CRTC3: variants seen among roughly 807,000 people sequenced by gnomAD.
CRTC3 encodes the protein CREB-regulated transcription coactivator 3.
A neutral mutation model predicts 74.5 loss-of-function variants in CRTC3; 26 were observed. The ratio of observed to expected loss-of-function variants is 0.35; its 90% CI spans 0.26 to 0.48. The LOEUF (loss-of-function observed/expected upper bound fraction) is 0.48. Among genes scored for constraint, CRTC3 ranks in the 20% least tolerant of loss-of-function variants. The probability of loss-of-function intolerance (pLI) is 0.99; values close to 1 mark genes in which losing one functional copy is unlikely to be tolerated. For synonymous variants in CRTC3, 377 were observed against 325.8 expected (o/e 1.16, Z -1.69); for missense variants, 760 against 787.3 (o/e 0.97, Z 0.41).
At chr15:90,560,059 A>C (rs1011682786) in intron 2 of CRTC3, among the ~76,000 whole-genome samples, 1 of 152,078 alleles carries the variant, frequency 6.6e-6, no homozygotes. Context: ...TTAGAGATAC[A>C]TGTTGTCTTA....
intron 2 of CRTC3, among the ~76,000 whole-genome samples, chr15:90,572,836 A>G (rs1651854012): frequency 1.3e-5 from 2 of 152,194 alleles, no homozygotes; most frequent in Non-Finnish European, 2.9e-5. Context: ...TTGGCCTCCC[A>G]AAGTGCTGGG....
chr15:90,544,604 A>G (rs1416592886), intron 2 of CRTC3, among the ~76,000 whole-genome samples: 1 of 152,258 alleles, frequency 6.6e-6, no homozygotes, highest in African/African-American at 2.4e-5. Flanking sequence ...TAAATATTCT[A>G]TAAACATTCA....
chr15:90,614,322 A>T (rs531268287), intron 6 of CRTC3, 131 bp from the exon 7 acceptor site: 351 of 609,948 alleles, frequency 5.8e-4, no homozygotes, highest in Middle Eastern at 2.2e-3. Context: ...AATGAAAATC[A>T]GTGTATCAAA....
chr15:90,545,733 C>T (rs12912391), intron 2 of CRTC3, among the ~76,000 whole-genome samples: 24 of 115,452 alleles, frequency 2.1e-4, no homozygotes, highest in Non-Finnish European at 2.3e-4. Flanking sequence ...CCTGCCACCA[C>T]GCCCGGGTAA....
chr15:90,623,411 C>T (rs1968718647), intron 9 of CRTC3, among the ~76,000 whole-genome samples: 1 of 152,148 alleles, frequency 6.6e-6, no homozygotes, highest in Non-Finnish European at 1.5e-5. Flanking sequence ...AATTCGTGAT[C>T]TCATCCATAC....
At chr15:90,558,351 G>A (rs1350492652) in intron 2 of CRTC3, among the ~76,000 whole-genome samples, 1 of 151,992 alleles carries the variant, frequency 6.6e-6, no homozygotes, top group Non-Finnish European at 1.5e-5. Context: ...TAAAATATGA[G>A]CCAGATTATC....
At chr15:90,621,618 C>T (rs1344952841) in intron 9 of CRTC3, among the ~76,000 whole-genome samples, 3 of 152,048 alleles carry the variant, frequency 2.0e-5, no homozygotes, top group Admixed American at 6.6e-5. Flanking sequence ...CCACCATGCC[C>T]AGCCTGTTTT....
intron 9 of CRTC3, among the ~76,000 whole-genome samples, chr15:90,621,318 T>G (rs182552748): frequency 6.6e-6 from 1 of 151,862 alleles, no homozygotes; most frequent in Non-Finnish European, 1.5e-5. Flanking sequence ...TTAGTTAGTT[T>G]GTTTGTATTT....
chr15:90,538,583 G>A (rs949789647), intron 1 of CRTC3, among the ~76,000 whole-genome samples: 1 of 152,172 alleles, frequency 6.6e-6, no homozygotes, highest in Non-Finnish European at 1.5e-5. Flanking sequence ...GCGGGTAGTG[G>A]AGAGGGTAAA....
chr15:90,558,169 T>C (rs895925161), intron 2 of CRTC3, among the ~76,000 whole-genome samples: 12 of 152,276 alleles, frequency 7.9e-5, no homozygotes, highest in South Asian at 6.2e-4. Flanking sequence ...AGCTAAGCCT[T>C]CAGCAAATTC....
intron 9 of CRTC3, chr15:90,620,052 A>T (rs552101375): frequency 2.4e-6 from 1 of 422,492 alleles, no homozygotes. Context: ...TGGTAAATAC[A>T]CAACTCTCCG....
intron 3 of CRTC3, chr15:90,594,218 A>G (rs1967865985): frequency 2.0e-5 from 3 of 152,612 alleles, no homozygotes; most frequent in African/African-American, 7.2e-5. Flanking sequence ...GATGTTTCAA[A>G]CTCAGTAAGT....
At chr15:90,568,247 A>G (rs563605646) in intron 2 of CRTC3, among the ~76,000 whole-genome samples, 8 of 152,352 alleles carry the variant, frequency 5.3e-5, no homozygotes, top group African/African-American at 1.7e-4. Context: ...GTTTCTAGAG[A>G]TGGAATCTAC....
intron 13 of CRTC3, 21 bp from the exon 14 acceptor site, chr15:90,641,076 C>T: frequency 1.9e-6 from 3 of 1,551,108 alleles, no homozygotes; most frequent in Non-Finnish European, 2.7e-6. Context: ...GCCTTCCTCA[C>T]ATGACCTTCG....
chr15:90,621,862 A>C (rs1968663309), intron 9 of CRTC3, among the ~76,000 whole-genome samples: 1 of 152,154 alleles, frequency 6.6e-6, no homozygotes, highest in South Asian at 2.1e-4. Flanking sequence ...TTGACCCCCT[A>C]ATTCTTGGCA....
intron 2 of CRTC3, among the ~76,000 whole-genome samples, chr15:90,558,071 T>C (rs1274573709): frequency 6.6e-6 from 1 of 152,144 alleles, no homozygotes. Context: ...TGGACACTTT[T>C]CTCTGTAAAT....
intron 11 of CRTC3, chr15:90,634,916 C>T (rs905043960): frequency 5.1e-6 from 8 of 1,575,384 alleles, no homozygotes; most frequent in African/African-American, 4.0e-5. Context: ...AACCAGTTAG[C>T]GTGAAAGTTG....
chr15:90,557,459 A>G (rs1567165120), intron 2 of CRTC3, among the ~76,000 whole-genome samples: 2 of 152,038 alleles, frequency 1.3e-5, no homozygotes, highest in Non-Finnish European at 2.9e-5. Flanking sequence ...CCCCCTTCCT[A>G]TCTCAGGGCC....
intron 2 of CRTC3, among the ~76,000 whole-genome samples, chr15:90,573,256 C>G: frequency 6.6e-6 from 1 of 152,164 alleles, no homozygotes; most frequent in Admixed American, 6.5e-5. Context: ...GGCGTGAACA[C>G]CAGGAGGTGG....
Sources: gnomAD v4.1 joint callset for allele counts (sites outside exome capture counted in the v4.1 genomes callset) on GRCh38, gnomAD v4.1.1 for gene constraint, MANE v1.5 for transcripts, NCBI Gene and HGNC (gene_info 2026-07-23, HGNC 2026-07-21) for gene names.